SLC35F3: variants seen among roughly 807,000 people sequenced by gnomAD.
SLC35F3 encodes the protein putative thiamine transporter SLC35F3.
Under a neutral mutation model 49.9 loss-of-function variants are expected in SLC35F3, and 25 were observed. The observed-to-expected ratio is 0.50, with a 90% CI of 0.37 to 0.70. SLC35F3 has a LOEUF of 0.70. SLC35F3 is among the 30% of genes least tolerant of loss of function. The pLI, the probability that SLC35F3 is intolerant of heterozygous loss-of-function variation, is 0.00. For missense variants in SLC35F3, 525 were observed against 639.8 expected (o/e 0.82, Z 1.94); for synonymous variants, 275 against 265.4 (o/e 1.04, Z -0.35).
chr1:234,287,486 CA>C (rs1340180992), intron 3 of SLC35F3, among the ~76,000 whole-genome samples: 2 of 152,116 alleles, frequency 1.3e-5, no homozygotes, highest in Non-Finnish European at 2.9e-5. Context: ...TATGTACTTC[CA>C]AAAAGATCAC....
intron 2 of SLC35F3, among the ~76,000 whole-genome samples, chr1:234,193,884 A>C (rs1446617046): frequency 6.6e-6 from 1 of 152,204 alleles, no homozygotes. Context: ...GTAAATGAAA[A>C]CCGCAATACA....
At position 233,905,649 on chromosome 1, in the gene SLC35F3, C is replaced by A. The variant is rs747727450; in HGVS notation, c.174C>A (p.Arg58=). 1.9e-6 allele frequency: 3 copies of A among 1,614,076 alleles called. No individual in the cohort carries two copies. The African/African-American group carries it at 4.0e-5, about 22-fold the overall frequency. Residue 58 remains arginine (R), a synonymous_variant, in exon 2 of 8, where the codon CGC becomes CGA. Transcript: ENST00000366618. Reference sequence around the variant, plus strand: ...TTAAGGAGGATCTGAAATGGTCGCGCTCCGTGGAGGATCTCACCAGCGGGC... The same window carrying A: ...TTAAGGAGGATCTGAAATGGTCGCGATCCGTGGAGGATCTCACCAGCGGGC... ...EAIKEDLKWS[R]SVEDLTSGPV...
chr1:234,128,846 C>T (rs1332394381), intron 2 of SLC35F3, among the ~76,000 whole-genome samples: 3 of 152,126 alleles, frequency 2.0e-5, no homozygotes, highest in South Asian at 2.1e-4. Flanking sequence ...GTCGGAAAAT[C>T]GGGGACACCG....
chr1:234,146,184 T>C lies in SLC35F3; in HGVS notation c.284-85233T>C, dbSNP rs145084186. 9.7e-4 allele frequency among the ~76,000 whole-genome samples: 147 copies of C among 152,224 alleles called. 2 individuals are homozygous for C. The highest frequency in any genetic ancestry group is 3.2e-3 in the African/African-American group (132 of 41,580). On this transcript the variant is annotated intron_variant, in intron 2 of 7. Coordinates refer to ENST00000366618, the MANE Select transcript of SLC35F3 (RefSeq NM_173508.4). ...TCTATTTTTCATTTAATGTATTTTT[T>C]GTCTCTCCTGAATTCCACTGCATAA... is the stretch of plus-strand genomic sequence containing the variant.
intron 2 of SLC35F3, among the ~76,000 whole-genome samples, chr1:233,932,309 G>A (rs960417819): frequency 1.3e-5 from 2 of 152,054 alleles, no homozygotes; most frequent in African/African-American, 4.8e-5. Flanking sequence ...AAAAGAAGGG[G>A]TTGGTCTTGC....
In SLC35F3 at chr1:233,915,886, A is replaced by G. The variant is rs983281736; in HGVS notation, c.283+10128A>G. Among the ~76,000 whole-genome samples, 7 of 152,162 alleles carry G rather than the reference A, an allele frequency of 4.6e-5. No homozygotes were observed. In the South Asian group the frequency reaches 6.2e-4, roughly 13 times the overall value. ...GGGAAAGACCTGCCTCCATGATTCA[A>G]TTATCTCCCGCCAGGTCCCTCCCAC... On this transcript the variant is annotated intron_variant, in intron 2 of 7. Transcript: ENST00000366618.
chr1:234,251,482 CA>C (rs1232905186), intron 3 of SLC35F3, among the ~76,000 whole-genome samples: 1 of 117,026 alleles, frequency 8.5e-6, no homozygotes, highest in Non-Finnish European at 1.8e-5. Context: ...AAAAAAAAAA[CA>C]CACACACACA....
chr1:233,982,442 T>C (rs979854702), intron 2 of SLC35F3, among the ~76,000 whole-genome samples: 3 of 152,170 alleles, frequency 2.0e-5, no homozygotes, highest in Non-Finnish European at 4.4e-5. Flanking sequence ...TGGCATGACC[T>C]TGGCTCAGTG....
chr1:234,308,069 A>G (rs1169178119), intron 3 of SLC35F3, among the ~76,000 whole-genome samples: 2 of 152,160 alleles, frequency 1.3e-5, no homozygotes, highest in Non-Finnish European at 2.9e-5. Flanking sequence ...TCTTCTACAG[A>G]TGTTTCCTCA....
chr1:233,979,572 T>C (rs905974089), intron 2 of SLC35F3, among the ~76,000 whole-genome samples: 4 of 152,294 alleles, frequency 2.6e-5, no homozygotes, highest in East Asian at 1.9e-4. Flanking sequence ...TGGATAGATA[T>C]ATTGCCTCGT....
chr1:234,101,418 C>T (rs950810349), intron 2 of SLC35F3, among the ~76,000 whole-genome samples: 12 of 152,146 alleles, frequency 7.9e-5, no homozygotes, highest in African/African-American at 2.4e-5. Context: ...AGAACCAACA[C>T]CTAGCTGATG....
chr1:233,955,981 G>A (rs552245663), intron 2 of SLC35F3, among the ~76,000 whole-genome samples: 15 of 142,264 alleles, frequency 1.1e-4, no homozygotes, highest in African/African-American at 4.0e-4. Flanking sequence ...TCCACCTCCT[G>A]GGTTCAGGCT....
chr1:234,309,008 A>T, intron 3 of SLC35F3, 93 bp from the exon 4 acceptor site: 1 of 821,974 alleles, frequency 1.2e-6, no homozygotes, highest in Non-Finnish European at 1.8e-6. Context: ...CCCTTCCTAT[A>T]TTTGCTTAAA....
intron 2 of SLC35F3, among the ~76,000 whole-genome samples, chr1:234,126,725 C>G (rs969628325): frequency 5.3e-5 from 8 of 152,122 alleles, no homozygotes; most frequent in African/African-American, 1.7e-4. Context: ...GAGTCTTGCT[C>G]TGTCACCCAG....
intron 3 of SLC35F3, among the ~76,000 whole-genome samples, chr1:234,271,540 T>C (rs530837004): frequency 2.0e-5 from 3 of 152,342 alleles, no homozygotes; most frequent in African/African-American, 4.8e-5. Context: ...AACAGGTGTT[T>C]GTGAGGTCCC....
chr1:233,908,774 T>A (rs1661818223), intron 2 of SLC35F3, among the ~76,000 whole-genome samples: 1 of 151,778 alleles, frequency 6.6e-6, no homozygotes, highest in Non-Finnish European at 1.5e-5. Context: ...GATCTCATGA[T>A]CTGCCCACCT....
chr1:234,164,294 CTT>C (rs948770829), intron 2 of SLC35F3, among the ~76,000 whole-genome samples: 11 of 151,396 alleles, frequency 7.3e-5, no homozygotes, highest in African/African-American at 2.7e-4. Context: ...CTCTCTCCCT[CTT>C]TCTCTTTCCC....
At chr1:234,006,538 G>T (rs970546334) in intron 2 of SLC35F3, among the ~76,000 whole-genome samples, 1 of 152,172 alleles carries the variant, frequency 6.6e-6, no homozygotes, top group African/African-American at 2.4e-5. Context: ...ACTACACAGA[G>T]GTTTCTGTAT....
chr1:233,969,331 G>C (rs1314867167), intron 2 of SLC35F3, among the ~76,000 whole-genome samples: 1 of 152,250 alleles, frequency 6.6e-6, no homozygotes, highest in Non-Finnish European at 1.5e-5. Context: ...GGTCATGATG[G>C]GCACTGTCGG....
Sources: gnomAD v4.1 joint callset for allele counts (sites outside exome capture counted in the v4.1 genomes callset) on GRCh38, gnomAD v4.1.1 for gene constraint, MANE v1.5 for transcripts, NCBI Gene and HGNC (gene_info 2026-07-23, HGNC 2026-07-21) for gene names.